Variants in METTL15 observed in about 807,000 individuals in gnomAD.
METTL15 encodes the protein methyltransferase 15, mitochondrial 12S rRNA N4-cytidine.
A neutral mutation model predicts 38.3 loss-of-function variants in METTL15; 34 were observed. That is an observed-to-expected ratio of 0.89 (90% CI 0.68 to 1.18). METTL15 has a LOEUF of 1.18. METTL15 is among the 50% of genes most tolerant of loss of function. The probability of loss-of-function intolerance (pLI) is 0.00; values close to 1 mark genes in which losing one functional copy is unlikely to be tolerated. For synonymous variants in METTL15, 162 were observed against 170.9 expected, an observed-to-expected ratio of 0.95 and a Z score of 0.41; for missense variants, 438 against 498.4, an observed-to-expected ratio of 0.88 and a Z score of 1.15.
At chr11:28,454,942 A>C (rs1368808170) in intron 6 of METTL15, among the ~76,000 whole-genome samples, 1 of 152,178 alleles carries the variant, frequency 6.6e-6, no homozygotes, top group African/African-American at 2.4e-5. Context: ...TGTCCCTTGC[A>C]AGGTAACTCT....
At chr11:28,460,282 T>C (rs1271489974) in intron 6 of METTL15, among the ~76,000 whole-genome samples, 1 of 152,072 alleles carries the variant, frequency 6.6e-6, no homozygotes, top group Admixed American at 6.6e-5. Flanking sequence ...TTCTTACCAA[T>C]ATCTATTTCT....
At chr11:28,464,293 C>T (rs1851239346) in intron 6 of METTL15, among the ~76,000 whole-genome samples, 1 of 152,082 alleles carries the variant, frequency 6.6e-6, no homozygotes, top group Non-Finnish European at 1.5e-5. Flanking sequence ...TTACCTAGTA[C>T]AGGGGCTGGC....
intron 5 of METTL15, among the ~76,000 whole-genome samples, chr11:28,381,754 T>G (rs1850388491): frequency 6.6e-6 from 1 of 152,186 alleles, no homozygotes; most frequent in Non-Finnish European, 1.5e-5. Flanking sequence ...AATAAATTTC[T>G]GAATTGCTTT....
chr11:28,257,585 CT>C (rs200121782), intron 4 of METTL15, among the ~76,000 whole-genome samples: 126 of 151,930 alleles, frequency 8.3e-4, no homozygotes, highest in South Asian at 2.5e-3. Context: ...TTTTTTAATT[CT>C]TTTTTTTGTC....
chr11:28,155,349 G>A (rs1440022488), intron 3 of METTL15, among the ~76,000 whole-genome samples: 2 of 152,292 alleles, frequency 1.3e-5, no homozygotes, highest in Admixed American at 1.3e-4. Context: ...ACAAGGGGTG[G>A]AGGAGAGAAC....
chr11:28,329,428 G>C (rs1434047294), intron 6 of METTL15, among the ~76,000 whole-genome samples: 1 of 151,962 alleles, frequency 6.6e-6, no homozygotes, highest in Non-Finnish European at 1.5e-5. Flanking sequence ...TATTTGGGCT[G>C]TTCTAGGTGC....
chr11:28,351,377 A>G (rs1271552099), intron 3 of METTL15, among the ~76,000 whole-genome samples: 1 of 152,128 alleles, frequency 6.6e-6, no homozygotes, highest in Non-Finnish European at 1.5e-5. Context: ...CAGCCTCCCA[A>G]AGTGCTAGGA....
intron 6 of METTL15, among the ~76,000 whole-genome samples, chr11:28,494,619 C>T (rs1851521552): frequency 6.6e-6 from 1 of 152,116 alleles, no homozygotes; most frequent in Non-Finnish European, 1.5e-5. Context: ...TCAGTTGTAG[C>T]TCCCATAATC....
intron 6 of METTL15, among the ~76,000 whole-genome samples, chr11:28,447,991 C>G (rs1398447997): frequency 6.6e-6 from 1 of 152,128 alleles, no homozygotes; most frequent in Non-Finnish European, 1.5e-5. Context: ...CAACTTGGAT[C>G]ATAGTCCCCC....
intron 3 of METTL15, among the ~76,000 whole-genome samples, chr11:28,345,668 C>A (rs1372734763): frequency 6.6e-6 from 1 of 152,098 alleles, no homozygotes; most frequent in Non-Finnish European, 1.5e-5. Context: ...CTTTTCATTC[C>A]TTTTTTCTAA....
intron 5 of METTL15, among the ~76,000 whole-genome samples, chr11:28,412,681 T>C (rs1850738662): frequency 6.6e-6 from 1 of 151,902 alleles, no homozygotes; most frequent in African/African-American, 2.4e-5. Flanking sequence ...TGGAATATAT[T>C]AAAAAGAGAG....
chr11:28,420,636 A>T (rs1470916956), intron 5 of METTL15, among the ~76,000 whole-genome samples: 1 of 152,166 alleles, frequency 6.6e-6, no homozygotes, highest in Non-Finnish European at 1.5e-5. Flanking sequence ...CAATGAAGAG[A>T]TTAATAAGAA....
At chr11:28,437,003 C>T (rs546309959) in intron 6 of METTL15, among the ~76,000 whole-genome samples, 1 of 152,276 alleles carries the variant, frequency 6.6e-6, no homozygotes, top group African/African-American at 2.4e-5. Context: ...GCAGAGTCTT[C>T]CAGCCTTCAT....
At chr11:28,245,405 G>A (rs955324685) in intron 4 of METTL15, among the ~76,000 whole-genome samples, 6 of 152,072 alleles carry the variant, frequency 3.9e-5, no homozygotes, top group Non-Finnish European at 7.4e-5. Context: ...CTATTTCAAG[G>A]TGGTTAGTGG....
At chr11:28,306,121 G>A (rs1236070300) in intron 6 of METTL15, among the ~76,000 whole-genome samples, 3 of 151,918 alleles carry the variant, frequency 2.0e-5, no homozygotes, top group Non-Finnish European at 4.4e-5. Context: ...GTGTAACCAC[G>A]TACTCTAGAT....
In METTL15 at chr11:28,351,972, A is replaced by G. The variant is rs377282067; in HGVS notation, c.*190-118A>G. On this transcript the variant is annotated intron_variant and NMD_transcript_variant, in intron 3 of 7. Coordinates refer to the METTL15 transcript ENST00000532947. Reference sequence around the variant, plus strand: ...ATAGGGTGTCATAGTTACAAAGGTGAAAACTGGCACTGTAGAAAAAAAAAT... The same window carrying G: ...ATAGGGTGTCATAGTTACAAAGGTGGAAACTGGCACTGTAGAAAAAAAAAT... 5.3e-5 allele frequency: 8 copies of G among 152,358 alleles called. No individual in the cohort carries two copies. The East Asian group carries it at 1.5e-3, about 29-fold the overall frequency. The allele number at this position is 152,358 out of a possible 1,614,324, so 9.4% of individuals were successfully genotyped here. A position where few individuals can be genotyped will look rare whatever the true frequency, so the allele number is the denominator to read the frequency against.
intron 6 of METTL15, among the ~76,000 whole-genome samples, chr11:28,324,864 G>A (rs1849582144): frequency 1.3e-5 from 2 of 152,170 alleles, no homozygotes; most frequent in Non-Finnish European, 2.9e-5. Flanking sequence ...GCAGGTGAAA[G>A]ATGATTTTAT....
chr11:28,454,242 A>T (rs1282353671), intron 6 of METTL15, among the ~76,000 whole-genome samples: 10 of 152,242 alleles, frequency 6.6e-5, no homozygotes, highest in Non-Finnish European at 1.5e-4. Context: ...GTGACCACAT[A>T]AAAACTGACT....
intron 4 of METTL15, among the ~76,000 whole-genome samples, chr11:28,358,836 C>G (rs1850111699): frequency 6.6e-6 from 1 of 152,154 alleles, no homozygotes; most frequent in Non-Finnish European, 1.5e-5. Context: ...GAAACCAACA[C>G]CCCAAAAGCT....
Sources: allele counts gnomAD v4.1 joint callset (sites outside exome capture counted in the v4.1 genomes callset), GRCh38; gene constraint gnomAD v4.1.1; transcripts MANE v1.5; gene names NCBI Gene and HGNC (gene_info 2026-07-23, HGNC 2026-07-21).